Variants in SAR1A observed in about 807,000 individuals in gnomAD.
SAR1A encodes small COPII coat GTPase SAR1A.
In SAR1A, 6 loss-of-function variants were observed where a neutral mutation model predicts 22.6. The ratio of observed to expected loss-of-function variants is 0.27; its 90% CI spans 0.15 to 0.52. The LOEUF (loss-of-function observed/expected upper bound fraction) is 0.52. Ranked by LOEUF, SAR1A falls within the 20% of genes least tolerant of loss-of-function variation. SAR1A has a pLI of 0.96. For missense variants in SAR1A, 145 were observed against 245.1 expected, an observed-to-expected ratio of 0.59 and a Z score of 2.73; for synonymous variants, 70 against 82.2, an observed-to-expected ratio of 0.85 and a Z score of 0.80.
intron 1 of SAR1A, chr10:70,163,979 C>T: frequency 1.6e-6 from 2 of 1,218,718 alleles, no homozygotes; most frequent in African/African-American, 1.5e-5. Context: ...ATGGCAATGG[C>T]TATATTAGTG....
chr10:70,163,523 C>T (rs909724942), intron 1 of SAR1A, among the ~76,000 whole-genome samples: 15 of 152,192 alleles, frequency 9.9e-5, no homozygotes, highest in African/African-American at 3.6e-4. Context: ...AATCCTAGGA[C>T]CCATACTCAT....
intron 5 of SAR1A, 47 bp downstream of exon 5, chr10:70,157,717 A>C (rs368586752): frequency 3.4e-6 from 5 of 1,457,546 alleles, no homozygotes; most frequent in Non-Finnish European, 3.8e-6. Flanking sequence ...AGAGGCCAAA[A>C]AAGAACAAAA....
intron 5 of SAR1A, chr10:70,154,948 G>A (rs570090867): frequency 5.7e-5 from 22 of 385,822 alleles, no homozygotes; most frequent in Middle Eastern, 3.7e-4. Flanking sequence ...TTGGATAGGT[G>A]TAAAGGAGAA....
chr10:70,148,158 G>GC lies in SAR1A; in HGVS notation c.*4317_*4318insG. The stretch of plus-strand genomic sequence containing the variant: ...CTCCCAAAGTGCTGGGATTACAGGC[G>GC]TGAGCCACCGTACCCGGCCATCATT... On this transcript the variant is annotated 3_prime_UTR_variant, in exon 7 of 7. Transcript: ENST00000373241. 6.6e-6 allele frequency: 1 copy of GC among 152,384 alleles called. No individual in the cohort carries two copies. Among genetic ancestry groups the GC allele is most frequent in the African/African-American group, 2.4e-5 (1 of 41,586 alleles). The allele number at this position is 152,384 out of a possible 1,614,324, so 9.4% of individuals were successfully genotyped here. A position where few individuals can be genotyped will look rare whatever the true frequency, so the allele number is the denominator to read the frequency against.
chr10:70,151,466 G>A lies in SAR1A; in HGVS notation c.*1010C>T, dbSNP rs550263614. 49 of 152,230 alleles carry A rather than the reference G, an allele frequency of 3.2e-4. No individual in the cohort carries two copies. The highest frequency in any genetic ancestry group is 1.1e-3 in the African/African-American group (45 of 41,510). The allele number at this position is 152,230 out of a possible 1,614,324, so 9.4% of individuals were successfully genotyped here. On this transcript the variant is annotated 3_prime_UTR_variant, in exon 7 of 7. Coordinates refer to ENST00000373241, the MANE Select transcript of SAR1A (RefSeq NM_020150.5). ...CAAACAAATGCTACAATACTTTTAA[G>A]TCCTCAACTCACAGAATTAAGAGCC...
chr10:70,165,464 C>G (rs1839535753), intron 1 of SAR1A, among the ~76,000 whole-genome samples: 1 of 151,974 alleles, frequency 6.6e-6, no homozygotes, highest in South Asian at 2.1e-4. Context: ...ACAGTGATTC[C>G]AACCCTCGTG....
At position 70,152,503 on chromosome 10, in the gene SAR1A, G is replaced by T. The variant is rs1424954313; in HGVS notation, c.570C>A (p.Phe190Leu). Residue 190 changes from phenylalanine to leucine, a missense_variant, in exon 7 of 7, where the codon TTC becomes TTA. Phe to Leu is a conservative substitution (Grantham distance 22, BLOSUM62 0). Around this residue, in one of 3 missense-constraint regions of SAR1A, gnomAD observed 83 missense variants for 114.7 expected, o/e 0.72. Transcript: ENST00000373241. ...AGTCAATATACTGGGAGAGCCAGCG[G>T]AAACCCTCGCCGTAACCTTGCCTCT... is the stretch of plus-strand genomic sequence containing the variant. ...VLKRQGYGEG[F>L]RWLSQYID The T allele has an allele frequency of 3.7e-6, 6 of 1,613,754 alleles. No homozygotes were observed. The African/African-American group carries it at 6.7e-5, about 18-fold the overall frequency.
At chr10:70,158,044 T>C (rs1208187755) in intron 4 of SAR1A, among the ~76,000 whole-genome samples, 177 bp from the exon 5 acceptor site, 1 of 152,242 alleles carries the variant, frequency 6.6e-6, no homozygotes, top group Non-Finnish European at 1.5e-5. Context: ...TGATGGTCCA[T>C]GAGCTGAACC....
rs149679868 is a variant in SAR1A at position 70,167,980 on chromosome 10, A to T, written c.-17+2433T>A. Among the ~76,000 whole-genome samples the T allele has an allele frequency of 6.3e-3, 957 of 152,346 alleles. 17 individuals are homozygous for T. The highest frequency in any genetic ancestry group is 0.022 in the African/African-American group (906 of 41,576). ...CTGAAATTCCCATTTACTGTAAATA[A>T]GTAAAAGAACAATGTGCCCTTCCTC... On this transcript the variant is annotated intron_variant, in intron 1 of 6. Transcript: ENST00000373241.
chr10:70,161,518 G>T, intron 3 of SAR1A, 101 bp downstream of exon 3: 1 of 1,427,560 alleles, frequency 7.0e-7, no homozygotes, highest in South Asian at 1.3e-5. Flanking sequence ...TGGCTTTTGG[G>T]ACTTCAGTTA....
In SAR1A at chr10:70,147,873, T is replaced by TTTTA. The variant is rs1166355228; in HGVS notation, c.*4599_*4602dup. 5 of 152,244 alleles carry TTTTA rather than the reference T, an allele frequency of 3.3e-5. No individual in the cohort carries two copies. The highest frequency in any genetic ancestry group is 9.7e-5 in the African/African-American group (4 of 41,450). 9.4% of individuals were successfully genotyped at this position (152,244 alleles called of 1,614,324 possible). On this transcript the variant is annotated 3_prime_UTR_variant, in exon 7 of 7. Coordinates refer to ENST00000373241, the MANE Select transcript of SAR1A (RefSeq NM_020150.5). ...CTGAATTGATAAAATACACATTATT[T>TTTTA]TTTATTTATTTATTTATTTTTTTGA...
intron 5 of SAR1A, among the ~76,000 whole-genome samples, chr10:70,156,515 A>T (rs553075346): frequency 3.9e-5 from 6 of 151,998 alleles, no homozygotes; most frequent in South Asian, 2.1e-4. Flanking sequence ...ACACTTTTTT[A>T]AAAAAAATTA....
At position 70,152,610 on chromosome 10, in the gene SAR1A, A is replaced by C. The variant is rs1256141836; in HGVS notation, c.481-18T>G. 2 of 1,478,156 alleles carry C rather than the reference A, an allele frequency of 1.4e-6. No individual in the cohort carries two copies. The highest frequency in any genetic ancestry group is 1.9e-6 in the Non-Finnish European group (2 of 1,056,116). 91.6% of individuals were successfully genotyped at this position (1,478,156 alleles called of 1,614,324 possible). On this transcript the variant is annotated intron_variant, in intron 6 of 6. Transcript: ENST00000373241. ...ACATTCCCCTAAAGGAGGCAAAACCAAGAAAGGCCTGTTAGCATCTCTGTG... is the reference window on the plus strand; with the variant it reads ...ACATTCCCCTAAAGGAGGCAAAACCCAGAAAGGCCTGTTAGCATCTCTGTG...
Position 70,150,863 on chromosome 10 carries a change from C to T in SAR1A, c.*1613G>A, listed in dbSNP as rs1335997672. On this transcript the variant is annotated 3_prime_UTR_variant, in exon 7 of 7. Coordinates refer to ENST00000373241, the MANE Select transcript of SAR1A (RefSeq NM_020150.5). ...AGTATGCTTTCCCCACAAGTCAGTA[C>T]TGGAGAATAAGAATGAGAACTCCAA... 1 of 152,460 alleles carries T rather than the reference C, an allele frequency of 6.6e-6. No individual in the cohort carries two copies. 9.4% of individuals were successfully genotyped at this position (152,460 alleles called of 1,614,324 possible). A position where few individuals can be genotyped will look rare whatever the true frequency, so the allele number is the denominator to read the frequency against.
intron 5 of SAR1A, among the ~76,000 whole-genome samples, chr10:70,154,898 G>A (rs1048122761): frequency 1.3e-5 from 2 of 152,208 alleles, no homozygotes; most frequent in African/African-American, 4.8e-5. Context: ...TCTTAGAAAA[G>A]ATCTGGAACC....
At chr10:70,161,142 A>G (rs1839462975) in intron 3 of SAR1A, 73 bp from the exon 4 acceptor site, 3 of 1,029,786 alleles carry the variant, frequency 2.9e-6, no homozygotes, top group Non-Finnish European at 4.4e-6. Context: ...CTATAAGCCA[A>G]TATCAATGCT....
rs929587905 is a variant in SAR1A at position 70,147,681 on chromosome 10, A to G, written c.*4795T>C. 6.6e-6 allele frequency: 1 copy of G among 152,200 alleles called. No homozygotes were observed. Among genetic ancestry groups the G allele is most frequent in the African/African-American group, 2.4e-5 (1 of 41,426 alleles). 9.4% of individuals were successfully genotyped at this position (152,200 alleles called of 1,614,324 possible). A position where few individuals can be genotyped will look rare whatever the true frequency, so the allele number is the denominator to read the frequency against. ...CGATTTGACCCACAAGGCATAGTTT[A>G]CCATCTCTAGTGTACACTAACATAA... On this transcript the variant is annotated 3_prime_UTR_variant, in exon 7 of 7. Coordinates refer to ENST00000373241, the MANE Select transcript of SAR1A (RefSeq NM_020150.5).
rs753312184 is a variant in SAR1A, at chr10:70,152,580, G to C, written c.493C>G (p.Leu165Val). The C allele has an allele frequency of 3.5e-5, 56 of 1,613,490 alleles. No individual in the cohort carries two copies. The highest frequency in any genetic ancestry group is 4.4e-5 in the Non-Finnish European group (52 of 1,179,576). ...GQTTGKGNVTLKELNARPMEV... is the reference protein window; with the variant it reads ...GQTTGKGNVTVKELNARPMEV... ...ATGGGGCGAGCATTCAGCTCCTTCA[G>C]GGTCACATTCCCCTAAAGGAGGCAA... Residue 165 changes from leucine (L) to valine (V), a missense_variant, in exon 7 of 7, where the codon CTG becomes GTG. Leu to Val is a conservative substitution (Grantham distance 32). Coordinates refer to ENST00000373241, the MANE Select transcript of SAR1A (RefSeq NM_020150.5).
intron 1 of SAR1A, among the ~76,000 whole-genome samples, chr10:70,165,239 T>C: frequency 8.0e-6 from 1 of 124,614 alleles, no homozygotes; most frequent in African/African-American, 3.1e-5. Context: ...CACTCCAGCC[T>C]GGGCGACAGA....
Sources: gnomAD v4.1 joint callset for allele counts (sites outside exome capture counted in the v4.1 genomes callset) on GRCh38, gnomAD v4.1.1 for gene constraint, gnomAD v4.1.1 regional missense constraint, MANE v1.5 for transcripts, NCBI Gene and HGNC (gene_info 2026-07-23, HGNC 2026-07-21) for gene names.